The following POLR3E variants were observed in gnomAD, a reference collection of about 807,000 sequenced individuals.
The protein encoded by POLR3E is RNA polymerase III subunit E.
POLR3E carries 41 observed loss-of-function variants against 96.6 expected under a neutral mutation model. The observed-to-expected ratio is 0.42, with a 90% CI of 0.33 to 0.55. POLR3E has a LOEUF of 0.55. Among genes scored for constraint, POLR3E ranks in the 20% least tolerant of loss-of-function variants. POLR3E has a pLI of 0.06. For synonymous variants in POLR3E, 396 were observed against 383.6 expected (o/e 1.03, Z -0.38); for missense variants, 849 against 952.1 (o/e 0.89, Z 1.43).
intron 2 of POLR3E, among the ~76,000 whole-genome samples, chr16:22,304,648 T>C (rs748832535): frequency 4.0e-5 from 6 of 151,568 alleles, no homozygotes; most frequent in Non-Finnish European, 8.8e-5. Flanking sequence ...AGCAGGAAGG[T>C]AAACTGCTGC....
At chr16:22,324,295 G>C (rs1282613606) in intron 14 of POLR3E, 59 bp from the exon 15 acceptor site, 1 of 1,436,300 alleles carries the variant, frequency 7.0e-7, no homozygotes, top group Non-Finnish European at 9.8e-7. Flanking sequence ...TGAGTTCCCG[G>C]GACAGTCCTG....
chr16:22,301,876 C>A (rs536333505), intron 1 of POLR3E, among the ~76,000 whole-genome samples: 1 of 150,950 alleles, frequency 6.6e-6, no homozygotes. Flanking sequence ...GTGAGCCGAT[C>A]GTACCACCGC....
At position 22,324,788 on chromosome 16, in the gene POLR3E, G is replaced by C. The variant is rs1340156826; in HGVS notation, c.1286+128G>C. The C allele has an allele frequency of 2.9e-6, 3 of 1,046,050 alleles. No individual in the cohort carries two copies. The African/African-American group carries it at 4.7e-5, about 16-fold the overall frequency. 64.8% of individuals were successfully genotyped at this position (1,046,050 alleles called of 1,614,324 possible). A position where few individuals can be genotyped will look rare whatever the true frequency, so the allele number is the denominator to read the frequency against. ...ATCTGGGGAGAGCGCAGTTGGGCTG[G>C]ATCTGGGTGTGAAGGGCAGGTGGGG... On this transcript the variant is annotated intron_variant, in intron 16 of 20. Transcript: ENST00000299853.
intron 2 of POLR3E, among the ~76,000 whole-genome samples, chr16:22,304,386 T>G (rs1338473913): frequency 6.6e-6 from 1 of 152,038 alleles, no homozygotes; most frequent in African/African-American, 2.4e-5. Context: ...TACACTGCAG[T>G]AGCAGGAGTT....
At chr16:22,297,808 C>CT (rs2047926516) in intron 1 of POLR3E, among the ~76,000 whole-genome samples, 1 of 152,236 alleles carries the variant, frequency 6.6e-6, no homozygotes, top group Non-Finnish European at 1.5e-5. Flanking sequence ...CTGCCCTATC[C>CT]GGGCCTGGGA....
At chr16:22,302,599 C>G in intron 1 of POLR3E, 1 of 248,910 alleles carries the variant, frequency 4.0e-6, no homozygotes. Context: ...GACCAGCCAA[C>G]CTCTATCCTT....
chr16:22,317,690 A>C (rs2048388602), intron 12 of POLR3E, among the ~76,000 whole-genome samples: 1 of 150,800 alleles, frequency 6.6e-6, no homozygotes, highest in Non-Finnish European at 1.5e-5. Flanking sequence ...GTTTTTTTAA[A>C]GGTTTTAAAG....
intron 1 of POLR3E, among the ~76,000 whole-genome samples, chr16:22,297,850 G>A (rs938362586): frequency 6.6e-6 from 1 of 152,248 alleles, no homozygotes; most frequent in African/African-American, 2.4e-5. Context: ...CTGTCCGCGC[G>A]TCGGGTGTAG....
At chr16:22,299,842 A>T (rs2047984222) in intron 1 of POLR3E, among the ~76,000 whole-genome samples, 1 of 151,916 alleles carries the variant, frequency 6.6e-6, no homozygotes, top group Admixed American at 6.6e-5. Flanking sequence ...CTTCCCAAGT[A>T]GTTGGGACTG....
At chr16:22,319,024 G>C (rs2048417226) in intron 13 of POLR3E, 78 bp downstream of exon 13, 1 of 1,103,902 alleles carries the variant, frequency 9.1e-7, no homozygotes, top group South Asian at 1.5e-5. Context: ...GCCCAGGCTG[G>C]TGTGTAGTGG....
chr16:22,303,144 C>T (rs1036625161), intron 2 of POLR3E, 140 bp downstream of exon 2: 3 of 807,550 alleles, frequency 3.7e-6, no homozygotes, highest in Non-Finnish European at 2.2e-6. Context: ...CTGGTCCCCT[C>T]TGCTGTCCCC....
chr16:22,310,890 C>T (rs1458176517), intron 6 of POLR3E, among the ~76,000 whole-genome samples: 1 of 152,140 alleles, frequency 6.6e-6, no homozygotes, highest in Non-Finnish European at 1.5e-5. Flanking sequence ...CCATTGCACT[C>T]CAGCCTGGGC....
At position 22,318,991 on chromosome 16, in the gene POLR3E, T is replaced by G; in HGVS notation, c.986+45T>G. 1 of 1,442,790 alleles carries G rather than the reference T, an allele frequency of 6.9e-7. No homozygotes were observed. Among genetic ancestry groups the G allele is most frequent in the South Asian group, 1.3e-5 (1 of 79,062 alleles). 89.4% of individuals were successfully genotyped at this position (1,442,790 alleles called of 1,614,324 possible). A position where few individuals can be genotyped will look rare whatever the true frequency, so the allele number is the denominator to read the frequency against. Reference sequence around the variant, plus strand: ...TTTTATTTTTATTTATTTTTTTCCTTGAGGCAGAGCTTCACTCTTGTTGCC... The same window carrying G: ...TTTTATTTTTATTTATTTTTTTCCTGGAGGCAGAGCTTCACTCTTGTTGCC... On this transcript the variant is annotated intron_variant, in intron 13 of 20. Transcript: ENST00000299853. The surrounding 1 kb of genome is among the most constrained non-coding windows in gnomAD (Gnocchi z 5.0).
chr16:22,324,973 A>T (rs904319927), intron 16 of POLR3E, among the ~76,000 whole-genome samples: 1 of 151,830 alleles, frequency 6.6e-6, no homozygotes, highest in African/African-American at 2.4e-5. Context: ...AGCACTCAGG[A>T]GCAAGAGCTG....
rs2048357094 is a variant in POLR3E at position 22,316,449 on chromosome 16, AG to A, written c.643-150del. The A allele has an allele frequency of 6.0e-5, 37 of 617,576 alleles. No individual in the cohort carries two copies. The Admixed American group carries it at 7.6e-4, about 13-fold the overall frequency. The allele number at this position is 617,576 out of a possible 1,614,324, so 38.3% of individuals were successfully genotyped here. A position where few individuals can be genotyped will look rare whatever the true frequency, so the allele number is the denominator to read the frequency against. ...ATAAGGCCAGGAAGATGAGTGGCTGAGGCCACGTCAGAGGCCTTGGGTGCCG... is the reference window on the plus strand; with the variant it reads ...ATAAGGCCAGGAAGATGAGTGGCTGAGCCACGTCAGAGGCCTTGGGTGCCG... On this transcript the variant is annotated intron_variant, in intron 9 of 20. Transcript: ENST00000299853.
At chr16:22,311,054 C>T (rs528551670) in intron 6 of POLR3E, among the ~76,000 whole-genome samples, 3 of 152,132 alleles carry the variant, frequency 2.0e-5, no homozygotes, top group Non-Finnish European at 2.9e-5. Context: ...AAACCTCTGC[C>T]TTCCGGTTTC....
In POLR3E at chr16:22,303,639, C is replaced by CTTTTTTTTTTTTTTTTTTTTTTTT. The variant is rs58949663; in HGVS notation, c.36+653_36+654insTTTTTTTTTTTTTTTTTTTTTTTT. Reference sequence around the variant, plus strand: ...TACAGGCAGTGGGAGGCAGATTTCCCTTTTTTTTTTTTTTTTTTGGAGACA... The same window carrying CTTTTTTTTTTTTTTTTTTTTTTTT: ...TACAGGCAGTGGGAGGCAGATTTCCCTTTTTTTTTTTTTTTTTTTTTTTTTTTTTTTTTTTTTTTTTTGGAGACA... On this transcript the variant is annotated intron_variant, in intron 2 of 20. Coordinates refer to ENST00000299853, the MANE Select transcript of POLR3E (RefSeq NM_018119.4). Among the ~76,000 whole-genome samples, 47 of 114,220 alleles carry CTTTTTTTTTTTTTTTTTTTTTTTT rather than the reference C, an allele frequency of 4.1e-4. 7 individuals carry two copies. Among genetic ancestry groups the CTTTTTTTTTTTTTTTTTTTTTTTT allele is most frequent in the African/African-American group, 2.1e-3 (44 of 20,798 alleles). 74.9% of individuals were successfully genotyped at this position (114,220 alleles called of 152,430 possible).
At chr16:22,317,665 G>GTTT (rs757872526) in intron 12 of POLR3E, among the ~76,000 whole-genome samples, 4 of 140,836 alleles carry the variant, frequency 2.8e-5, no homozygotes, top group African/African-American at 8.1e-5. Context: ...TGTTGTTGTT[G>GTTT]TTTTTTTTTT....
At chr16:22,303,420 T>C (rs1191272903) in intron 2 of POLR3E, among the ~76,000 whole-genome samples, 1 of 152,054 alleles carries the variant, frequency 6.6e-6, no homozygotes, top group African/African-American at 2.4e-5. Context: ...CGGCGACTAT[T>C]TGGTGAATGA....
Sources: gnomAD v4.1 joint callset for allele counts (sites outside exome capture counted in the v4.1 genomes callset) on GRCh38, gnomAD v4.1.1 for gene constraint, Gnocchi (gnomAD v3.1) non-coding constraint, MANE v1.5 for transcripts, NCBI Gene and HGNC (gene_info 2026-07-23, HGNC 2026-07-21) for gene names.